Variants in FAM3B observed in about 807,000 individuals in gnomAD.
FAM3B encodes FAM3 metabolism regulating signaling molecule B.
A neutral mutation model predicts 28.4 loss-of-function variants in FAM3B; 29 were observed. That is an observed-to-expected ratio of 1.02 (90% confidence interval 0.76 to 1.39). FAM3B has a LOEUF of 1.39. Ranked by LOEUF, FAM3B falls within the 40% of genes most tolerant of loss-of-function variation. The pLI, the probability that FAM3B is intolerant of heterozygous loss-of-function variation, is 0.00. For synonymous variants in FAM3B, 91 were observed against 103.0 expected (o/e 0.88, Z 0.71); for missense variants, 266 against 293.9 (o/e 0.91, Z 0.69).
intron 7 of FAM3B, 101 bp downstream of exon 7, chr21:41,348,825 A>T: frequency 3.0e-6 from 4 of 1,316,898 alleles, no homozygotes; most frequent in Non-Finnish European, 4.3e-6. Context: ...TCCAAACATA[A>T]GAGTTGTGTC....
intron 1 of FAM3B, chr21:41,320,568 C>T (rs904958497): frequency 6.6e-6 from 1 of 152,282 alleles, no homozygotes; most frequent in Non-Finnish European, 1.5e-5. Context: ...TGTGCTAGAC[C>T]TGAGCACAGG....
chr21:41,317,758 G>A (rs2123690653), intron 1 of FAM3B, among the ~76,000 whole-genome samples: 1 of 152,184 alleles, frequency 6.6e-6, no homozygotes, highest in African/African-American at 2.4e-5. Context: ...CTGAACCATC[G>A]CCATTCCTGC....
chr21:41,328,000 G>A (rs1159116335), intron 2 of FAM3B, among the ~76,000 whole-genome samples: 4 of 152,198 alleles, frequency 2.6e-5, no homozygotes, highest in Non-Finnish European at 4.4e-5. Context: ...AGTTTACTCC[G>A]TGCAGCATCC....
Position 41,306,868 on chromosome 21 carries a change from G to T in FAM3B, n.99+2558G>T, listed in dbSNP as rs562777431. 1.3e-3 allele frequency among the ~76,000 whole-genome samples: 203 copies of T among 152,298 alleles called. 1 individual carries two copies. The highest frequency in any genetic ancestry group is 4.5e-3 in the African/African-American group (187 of 41,548). On this transcript the variant is annotated intron_variant and non_coding_transcript_variant, in intron 1 of 9. Transcript: ENST00000479810. Reference sequence around the variant, plus strand: ...ATTCATCATCTGAATAGTGTACATTGTATGCAATAGGTAGTATTTCATCCC... The same window carrying T: ...ATTCATCATCTGAATAGTGTACATTTTATGCAATAGGTAGTATTTCATCCC...
chr21:41,324,444 C>T (rs1034189312), intron 2 of FAM3B, among the ~76,000 whole-genome samples: 7 of 152,184 alleles, frequency 4.6e-5, no homozygotes, highest in African/African-American at 1.4e-4. Flanking sequence ...AGTAAAGTCA[C>T]AGGAACAGGG....
chr21:41,332,745 T>A (rs752547571), intron 2 of FAM3B, among the ~76,000 whole-genome samples: 72 of 152,240 alleles, frequency 4.7e-4, no homozygotes, highest in Non-Finnish European at 8.2e-4. Context: ...TCCACAATAG[T>A]CTCTTACGAT....
chr21:41,345,903 T>C (rs1449479493), intron 5 of FAM3B, 167 bp downstream of exon 5: 4 of 576,122 alleles, frequency 6.9e-6, no homozygotes, highest in South Asian at 5.8e-5. Flanking sequence ...TAAACTCTAA[T>C]TGAATTCATA....
intron 2 of FAM3B, among the ~76,000 whole-genome samples, chr21:41,329,004 G>C (rs1293955396): frequency 6.6e-6 from 1 of 152,190 alleles, no homozygotes; most frequent in African/African-American, 2.4e-5. Flanking sequence ...GGTCATGATA[G>C]CTTTTATCTT....
intron 2 of FAM3B, among the ~76,000 whole-genome samples, chr21:41,334,161 G>A (rs2088932064): frequency 6.6e-6 from 1 of 152,218 alleles, no homozygotes; most frequent in Non-Finnish European, 1.5e-5. Context: ...GGGAAGCAGA[G>A]CATAAAAGTT....
At chr21:41,327,566 G>A (rs2145805088) in intron 2 of FAM3B, among the ~76,000 whole-genome samples, 1 of 152,226 alleles carries the variant, frequency 6.6e-6, no homozygotes, top group Non-Finnish European at 1.5e-5. Context: ...TTTCTTCTCT[G>A]ACCCATTGGT....
intron 5 of FAM3B, among the ~76,000 whole-genome samples, chr21:41,346,781 A>C (rs890824780): frequency 6.6e-6 from 1 of 152,042 alleles, no homozygotes; most frequent in Non-Finnish European, 1.5e-5. Flanking sequence ...TGCAAGTGTT[A>C]GGTTCTTTTC....
At chr21:41,339,169 A>G (rs1050687727) in intron 3 of FAM3B, among the ~76,000 whole-genome samples, 3 of 152,244 alleles carry the variant, frequency 2.0e-5, no homozygotes, top group Non-Finnish European at 4.4e-5. Flanking sequence ...TGATTTCCCA[A>G]CAAAGTCGTC....
Position 41,326,637 on chromosome 21 carries a change from T to A in FAM3B, c.163+3571T>A, listed in dbSNP as rs1235275967. On this transcript the variant is annotated intron_variant, in intron 2 of 7. Transcript: ENST00000357985. This position sits in a 1 kb window ranked among gnomAD's most constrained non-coding sequence, Gnocchi z 4.0. Reference sequence around the variant, plus strand: ...TGGCGTGGGGACCTGCTCGTTCTGCTGCCGATCCCGTAGGGGAAGTCCCTG... The same window carrying A: ...TGGCGTGGGGACCTGCTCGTTCTGCAGCCGATCCCGTAGGGGAAGTCCCTG... Among the ~76,000 whole-genome samples, 1 of 152,228 alleles carries A rather than the reference T, an allele frequency of 6.6e-6. No individual in the cohort carries two copies. Among genetic ancestry groups the A allele is most frequent in the Non-Finnish European group, 1.5e-5 (1 of 68,032 alleles).
intron 2 of FAM3B, among the ~76,000 whole-genome samples, chr21:41,330,134 G>GAA (rs3037004): frequency 0.062 from 8,626 of 138,638 alleles, 528 homozygotes; most frequent in African/African-American, 0.14. Context: ...GTCTGTATAG[G>GAA]AAAAAAAAAA....
At chr21:41,351,133 G>A (rs142768240) in intron 7 of FAM3B, among the ~76,000 whole-genome samples, 13 of 152,322 alleles carry the variant, frequency 8.5e-5, no homozygotes, top group African/African-American at 2.9e-4. Context: ...CATCAAACAG[G>A]TTCTTCATTA....
intron 1 of FAM3B, among the ~76,000 whole-genome samples, chr21:41,304,814 G>A (rs1282557444): frequency 1.3e-5 from 2 of 152,172 alleles, no homozygotes; most frequent in African/African-American, 4.8e-5. Flanking sequence ...CAGTAGGAAC[G>A]TTCCCTGGGG....
chr21:41,305,100 G>A (rs181373719), intron 1 of FAM3B, among the ~76,000 whole-genome samples: 1 of 152,300 alleles, frequency 6.6e-6, no homozygotes, highest in Non-Finnish European at 1.5e-5. Context: ...AAGGAAATGT[G>A]TACAAAATCA....
At chr21:41,350,638 T>C (rs1302751595) in intron 7 of FAM3B, among the ~76,000 whole-genome samples, 1 of 152,206 alleles carries the variant, frequency 6.6e-6, no homozygotes, top group African/African-American at 2.4e-5. Context: ...GTCCAGGCTG[T>C]GCGCAGGACA....
intron 1 of FAM3B, among the ~76,000 whole-genome samples, chr21:41,308,730 G>A (rs960521242): frequency 6.6e-6 from 1 of 151,864 alleles, no homozygotes; most frequent in African/African-American, 2.4e-5. Flanking sequence ...GTAGAGACAG[G>A]GTTTCGCCAT....
Sources: gnomAD v4.1 joint callset for allele counts (sites outside exome capture counted in the v4.1 genomes callset) on GRCh38, gnomAD v4.1.1 for gene constraint, Gnocchi (gnomAD v3.1) non-coding constraint, MANE v1.5 for transcripts, NCBI Gene and HGNC (gene_info 2026-07-23, HGNC 2026-07-21) for gene names.